Variants in PALLD observed in about 807,000 individuals in gnomAD.
PALLD encodes palladin, cytoskeletal associated protein.
A neutral mutation model predicts 123.5 loss-of-function variants in PALLD; 61 were observed. The observed-to-expected ratio is 0.49, with a 90% CI of 0.40 to 0.61. The LOEUF (loss-of-function observed/expected upper bound fraction) is 0.61, where lower values mean the gene tolerates loss of function less well. Ranked by LOEUF, PALLD falls within the 20% of genes least tolerant of loss-of-function variation. PALLD has a pLI of 0.00. For synonymous variants in PALLD, 465 were observed against 496.4 expected, an observed-to-expected ratio of 0.94 and a Z score of 0.84; for missense variants, 1,273 against 1,377.0, an observed-to-expected ratio of 0.92 and a Z score of 1.20.
intron 10 of PALLD, among the ~76,000 whole-genome samples, chr4:168,803,970 G>A (rs377294202): frequency 6.6e-6 from 1 of 152,190 alleles, no homozygotes; most frequent in Admixed American, 6.5e-5. Context: ...GTTCAGGCAT[G>A]TCTCTGCTGG....
chr4:168,870,276 C>T (rs1750903619), intron 10 of PALLD, among the ~76,000 whole-genome samples: 1 of 152,136 alleles, frequency 6.6e-6, no homozygotes, highest in African/African-American at 2.4e-5. Flanking sequence ...TATTTTGAGA[C>T]ACACAAAACC....
chr4:168,500,266 T>C (rs185681012), intron 1 of PALLD, among the ~76,000 whole-genome samples: 52 of 152,326 alleles, frequency 3.4e-4, no homozygotes, highest in Admixed American at 2.6e-3. Context: ...ATTCCTTGTC[T>C]TCCCCAAGTT....
rs146730524 is a variant in PALLD at position 168,549,367 on chromosome 4, A to G, written c.908+36955A>G. Among the ~76,000 whole-genome samples, 31 of 152,234 alleles carry G rather than the reference A, an allele frequency of 2.0e-4. No individual in the cohort carries two copies. The East Asian group carries it at 4.8e-3, about 24-fold the overall frequency. ...CGGTGGGTGTTCAAAACAATTTTTTAAAGTCAGATGTCTCTGTATATGTGT... is the reference window on the plus strand; with the variant it reads ...CGGTGGGTGTTCAAAACAATTTTTTGAAGTCAGATGTCTCTGTATATGTGT... On this transcript the variant is annotated intron_variant, in intron 2 of 21. Transcript: ENST00000505667.
At chr4:168,561,961 T>C (rs939267264) in intron 2 of PALLD, among the ~76,000 whole-genome samples, 10 of 152,218 alleles carry the variant, frequency 6.6e-5, no homozygotes, top group Admixed American at 2.6e-4. Flanking sequence ...ATGTATTTGC[T>C]CAGCACTTTA....
At chr4:168,800,810 A>T (rs1243539118) in intron 10 of PALLD, among the ~76,000 whole-genome samples, 24 of 152,232 alleles carry the variant, frequency 1.6e-4, no homozygotes, top group Admixed American at 1.5e-3. Context: ...CACGTAACCC[A>T]AATGTACATA....
At chr4:168,692,499 T>C (rs1782724814) in intron 8 of PALLD, among the ~76,000 whole-genome samples, 1 of 152,250 alleles carries the variant, frequency 6.6e-6, no homozygotes, top group African/African-American at 2.4e-5. Context: ...GCTACTTTTC[T>C]AATACATGGA....
intron 2 of PALLD, among the ~76,000 whole-genome samples, chr4:168,632,529 ATTG>A (rs1561326520): frequency 6.2e-4 from 95 of 152,146 alleles, no homozygotes; most frequent in African/African-American, 2.2e-3. Context: ...GTTTCACTTG[ATTG>A]CAGTTCTTTG....
At chr4:168,894,727 T>C (rs754688204) in intron 12 of PALLD, 50 bp downstream of exon 12, 7 of 1,589,612 alleles carry the variant, frequency 4.4e-6, no homozygotes, top group Middle Eastern at 3.3e-4. Context: ...CTGTCCCCCT[T>C]TTCCATCTTC....
chr4:168,554,330 A>G (rs1032530349), intron 2 of PALLD, among the ~76,000 whole-genome samples: 8 of 152,124 alleles, frequency 5.3e-5, no homozygotes, highest in Admixed American at 3.3e-4. Flanking sequence ...ACTTTCTCCA[A>G]TACCCTTATT....
chr4:168,732,495 C>G (rs905278998), intron 10 of PALLD, among the ~76,000 whole-genome samples: 3 of 152,156 alleles, frequency 2.0e-5, no homozygotes, highest in African/African-American at 7.2e-5. Flanking sequence ...CTTGTTTCCT[C>G]TTAGGCAAGA....
chr4:168,849,579 AG>A (rs779340792), intron 10 of PALLD, among the ~76,000 whole-genome samples: 33 of 152,218 alleles, frequency 2.2e-4, no homozygotes, highest in Non-Finnish European at 4.3e-4. Flanking sequence ...TGAGACCCTG[AG>A]AAGGTTTTCA....
At position 168,712,050 on chromosome 4, in the gene PALLD, G is replaced by A. The variant is rs1784884360; in HGVS notation, c.1964+127G>A. On this transcript the variant is annotated intron_variant, in intron 10 of 21. Coordinates refer to ENST00000505667, the MANE Select transcript of PALLD (RefSeq NM_001166108.2). The stretch of plus-strand genomic sequence containing the variant: ...TGGCCTTGACTCATGGGACCTTGCT[G>A]CCAAGTGGTGTCTTTCAACAATATA... The A allele has an allele frequency of 1.9e-5, 14 of 738,130 alleles. No homozygotes were observed. The East Asian group carries it at 2.7e-4, about 14-fold the overall frequency. The allele number at this position is 738,130 out of a possible 1,614,324, so 45.7% of individuals were successfully genotyped here. A position where few individuals can be genotyped will look rare whatever the true frequency, so the allele number is the denominator to read the frequency against.
chr4:168,565,630 C>T (rs1768295634), intron 2 of PALLD, among the ~76,000 whole-genome samples: 1 of 152,070 alleles, frequency 6.6e-6, no homozygotes, highest in South Asian at 2.1e-4. Flanking sequence ...CCAGGAGGTC[C>T]TCCAGCAGGA....
chr4:168,681,680 G>T (rs1182762127), intron 4 of PALLD, among the ~76,000 whole-genome samples: 1 of 151,520 alleles, frequency 6.6e-6, no homozygotes, highest in African/African-American at 2.4e-5. Flanking sequence ...AAGTAGCTGG[G>T]ATTATAGGCA....
chr4:168,753,607 G>A (rs1731366404), intron 10 of PALLD, among the ~76,000 whole-genome samples: 1 of 152,074 alleles, frequency 6.6e-6, no homozygotes, highest in Non-Finnish European at 1.5e-5. Context: ...CACTTCCAAG[G>A]CTGGGTTAAA....
At chr4:168,888,739 C>T (rs1034209764) in intron 10 of PALLD, among the ~76,000 whole-genome samples, 6 of 152,108 alleles carry the variant, frequency 3.9e-5, no homozygotes, top group African/African-American at 7.2e-5. Flanking sequence ...TTTAAATTGG[C>T]GTACATTAAT....
intron 10 of PALLD, among the ~76,000 whole-genome samples, chr4:168,733,695 G>A (rs1006673318): frequency 2.0e-5 from 3 of 152,128 alleles, no homozygotes; most frequent in Non-Finnish European, 4.4e-5. Context: ...GCCTCCTGAA[G>A]GGCTGGGATT....
intron 1 of PALLD, among the ~76,000 whole-genome samples, chr4:168,503,708 C>T (rs1238121030): frequency 6.6e-6 from 1 of 151,522 alleles, no homozygotes; most frequent in Non-Finnish European, 1.5e-5. Flanking sequence ...AAAGGAGCAG[C>T]AAGTGCAAAG....
At chr4:168,569,260 T>C (rs1005969718) in intron 2 of PALLD, among the ~76,000 whole-genome samples, 2 of 152,112 alleles carry the variant, frequency 1.3e-5, no homozygotes, top group East Asian at 1.9e-4. Context: ...GGAGCAAATA[T>C]TGTTCCAGCC....
Sources: gnomAD v4.1 joint callset for allele counts (sites outside exome capture counted in the v4.1 genomes callset) on GRCh38, gnomAD v4.1.1 for gene constraint, MANE v1.5 for transcripts, NCBI Gene and HGNC (gene_info 2026-07-23, HGNC 2026-07-21) for gene names.